TMEFF1: variants seen among roughly 807,000 people sequenced by gnomAD.
TMEFF1 encodes tomoregulin-1.
In TMEFF1, 20 loss-of-function variants were observed where a neutral mutation model predicts 47.5. The ratio of observed to expected loss-of-function variants is 0.42; its 90% CI spans 0.30 to 0.61. TMEFF1 has a LOEUF of 0.61. TMEFF1 is among the 20% of genes least tolerant of loss of function. TMEFF1 has a pLI of 0.19. For synonymous variants in TMEFF1, 162 were observed against 166.3 expected, an observed-to-expected ratio of 0.97 and a Z score of 0.20; for missense variants, 411 against 471.1, an observed-to-expected ratio of 0.87 and a Z score of 1.18.
At chr9:100,563,059 G>A (rs1469760055) in intron 8 of TMEFF1, among the ~76,000 whole-genome samples, 3 of 151,954 alleles carry the variant, frequency 2.0e-5, no homozygotes, top group African/African-American at 4.8e-5. Context: ...CTCATGATCC[G>A]CCCGCCTTGG....
At position 100,539,531 on chromosome 9, in the gene TMEFF1, C is replaced by T. The variant is rs183769416; in HGVS notation, c.561-8213C>T. Among the ~76,000 whole-genome samples, 236 of 152,264 alleles carry T rather than the reference C, an allele frequency of 1.5e-3. 1 individual carries two copies. Among genetic ancestry groups the T allele is most frequent in the African/African-American group, 5.5e-3 (229 of 41,550 alleles). ...CTGCAGACCTTTGCGATGAGTGTTA[C>T]AGCTCTTAAAGGCAGCGCGTCTGGA... On this transcript the variant is annotated intron_variant, in intron 5 of 9. Coordinates refer to ENST00000374879, the MANE Select transcript of TMEFF1 (RefSeq NM_003692.5).
chr9:100,504,749 A>C (rs1837824636), intron 2 of TMEFF1, among the ~76,000 whole-genome samples: 1 of 152,208 alleles, frequency 6.6e-6, no homozygotes, highest in Non-Finnish European at 1.5e-5. Flanking sequence ...TTTTGGCTTT[A>C]TAGCCTTAGC....
chr9:100,527,152 A>C (rs541472345), intron 5 of TMEFF1, among the ~76,000 whole-genome samples: 1 of 152,042 alleles, frequency 6.6e-6, no homozygotes, highest in Admixed American at 6.5e-5. Flanking sequence ...TAAAAAAAAA[A>C]AACAAAACTA....
At chr9:100,489,773 A>G (rs1803450993) in intron 1 of TMEFF1, among the ~76,000 whole-genome samples, 1 of 152,194 alleles carries the variant, frequency 6.6e-6, no homozygotes, top group Admixed American at 6.5e-5. Flanking sequence ...AATTTTAATA[A>G]CCGCACCATA....
chr9:100,512,112 G>A (rs964034342), intron 3 of TMEFF1, among the ~76,000 whole-genome samples: 1 of 152,076 alleles, frequency 6.6e-6, no homozygotes, highest in African/African-American at 2.4e-5. Context: ...ATGTGGAATC[G>A]AAGTAATAAA....
chr9:100,496,035 C>G (rs1263942892), intron 1 of TMEFF1, among the ~76,000 whole-genome samples: 1 of 152,168 alleles, frequency 6.6e-6, no homozygotes. Context: ...TTGATGTGTC[C>G]CAGCTCCTTT....
intron 4 of TMEFF1, among the ~76,000 whole-genome samples, chr9:100,515,524 A>G (rs1397426074): frequency 2.6e-5 from 4 of 152,130 alleles, no homozygotes; most frequent in Admixed American, 2.6e-4. Flanking sequence ...GTGGTGGCTC[A>G]TGCCTGTAAT....
chr9:100,556,898 T>G (rs1838925655), intron 7 of TMEFF1, among the ~76,000 whole-genome samples: 2 of 151,962 alleles, frequency 1.3e-5, no homozygotes. Flanking sequence ...TAGGCTGGAG[T>G]GCAGTGGTGC....
intron 5 of TMEFF1, among the ~76,000 whole-genome samples, chr9:100,543,958 G>A (rs932895919): frequency 6.6e-6 from 1 of 151,984 alleles, no homozygotes; most frequent in Non-Finnish European, 1.5e-5. Context: ...GGGCTGGCTT[G>A]TGGCTTTGAA....
In TMEFF1 at chr9:100,527,585, G is replaced by T. The variant is rs1224486242; in HGVS notation, c.560+10814G>T. 5.9e-5 allele frequency among the ~76,000 whole-genome samples: 9 copies of T among 152,298 alleles called. No homozygotes were observed. The East Asian group carries it at 1.2e-3, about 20-fold the overall frequency. ...TTATATCCCGCACCTGGCTCGGGGG[G>T]TCCTACACCCATATAGTCTCGCTGA... On this transcript the variant is annotated intron_variant, in intron 5 of 9. Coordinates refer to ENST00000374879, the MANE Select transcript of TMEFF1 (RefSeq NM_003692.5).
intron 5 of TMEFF1, among the ~76,000 whole-genome samples, chr9:100,540,363 C>G (rs1247428411): frequency 6.6e-6 from 1 of 152,248 alleles, no homozygotes; most frequent in Non-Finnish European, 1.5e-5. Context: ...CCTAGAAGCC[C>G]AGCCGGCTTC....
rs550431705 is a variant in TMEFF1 at position 100,486,504 on chromosome 9, C to T, written c.197-12261C>T. Among the ~76,000 whole-genome samples, 8 of 152,222 alleles carry T rather than the reference C, an allele frequency of 5.3e-5. No homozygotes were observed. The South Asian group carries it at 1.2e-3, about 24-fold the overall frequency. On this transcript the variant is annotated intron_variant, in intron 1 of 9. Transcript: ENST00000374879. ...TAATTGGTCCGCCTCGGGCTCCCAACGTGTTGGGATTACAGGCGTGAGCCA... is the reference window on the plus strand; with the variant it reads ...TAATTGGTCCGCCTCGGGCTCCCAATGTGTTGGGATTACAGGCGTGAGCCA...
At chr9:100,547,606 A>G in intron 5 of TMEFF1, 138 bp from the exon 6 acceptor site, 1 of 1,065,792 alleles carries the variant, frequency 9.4e-7, no homozygotes, top group Admixed American at 3.9e-5. Context: ...TACTTTGCTT[A>G]AGCTTTCATC....
intron 1 of TMEFF1, among the ~76,000 whole-genome samples, chr9:100,482,262 A>G (rs1395647298): frequency 6.8e-6 from 1 of 147,012 alleles, no homozygotes. Flanking sequence ...CAGCGGCTTG[A>G]TCTTTGCTCA....
intron 1 of TMEFF1, among the ~76,000 whole-genome samples, chr9:100,491,992 TCTC>T (rs1837560280): frequency 6.6e-6 from 1 of 151,922 alleles, no homozygotes; most frequent in South Asian, 2.1e-4. Context: ...TTCAAGCAAT[TCTC>T]CTGCCTCAGC....
At chr9:100,542,228 A>G (rs949677115) in intron 5 of TMEFF1, among the ~76,000 whole-genome samples, 5 of 151,948 alleles carry the variant, frequency 3.3e-5, no homozygotes, top group African/African-American at 1.2e-4. Context: ...AATTTCCTTA[A>G]TGTCACTGTT....
At chr9:100,512,284 T>C (rs1837983021) in intron 3 of TMEFF1, among the ~76,000 whole-genome samples, 1 of 152,340 alleles carries the variant, frequency 6.6e-6, no homozygotes, top group East Asian at 1.9e-4. Context: ...TTTAAGACTT[T>C]CCATAAAATC....
At chr9:100,564,643 T>TA (rs1839088023) in intron 8 of TMEFF1, among the ~76,000 whole-genome samples, 1 of 152,164 alleles carries the variant, frequency 6.6e-6, no homozygotes. Flanking sequence ...GGTCAGGTCT[T>TA]ACAGGAACAT....
intron 8 of TMEFF1, among the ~76,000 whole-genome samples, chr9:100,565,679 T>G (rs1368573657): frequency 6.6e-6 from 1 of 152,210 alleles, no homozygotes; most frequent in African/African-American, 2.4e-5. Context: ...CCAAGTTCAC[T>G]GAGAAAATGG....
Sources: allele counts gnomAD v4.1 joint callset (sites outside exome capture counted in the v4.1 genomes callset), GRCh38; gene constraint gnomAD v4.1.1; transcripts MANE v1.5; gene names NCBI Gene and HGNC (gene_info 2026-07-23, HGNC 2026-07-21).